EXOSC1: variants seen among roughly 807,000 people sequenced by gnomAD.
The protein encoded by EXOSC1 is exosome complex component CSL4.
In EXOSC1, 27 loss-of-function variants were observed where a neutral mutation model predicts 31.4. That is an observed-to-expected ratio of 0.86 (90% CI 0.63 to 1.18). EXOSC1 has a LOEUF of 1.18. Among genes scored for constraint, EXOSC1 ranks in the 50% most tolerant of loss-of-function variants. The pLI, the probability that EXOSC1 is intolerant of heterozygous loss-of-function variation, is 0.00. For synonymous variants in EXOSC1, 84 were observed against 89.5 expected, an observed-to-expected ratio of 0.94 and a Z score of 0.35; for missense variants, 228 against 250.3, an observed-to-expected ratio of 0.91 and a Z score of 0.60.
At chr10:97,438,552 G>A (rs1845617296) in intron 5 of EXOSC1, 118 bp downstream of exon 5, 3 of 888,182 alleles carry the variant, frequency 3.4e-6, no homozygotes, top group South Asian at 3.1e-5. Context: ...TGATCCTCCC[G>A]CCTCAGCCTC....
intron 7 of EXOSC1, 30 bp downstream of exon 7, chr10:97,437,161 A>T (rs199562977): frequency 1.3e-6 from 2 of 1,590,740 alleles, no homozygotes; most frequent in Non-Finnish European, 1.7e-6. Flanking sequence ...ATCCAGGGAA[A>T]GTAAGGATGT....
chr10:97,441,006 CA>C (rs1447453192), intron 4 of EXOSC1, 164 bp downstream of exon 4: 2 of 549,402 alleles, frequency 3.6e-6, no homozygotes, highest in African/African-American at 3.9e-5. Flanking sequence ...CTAGATCATC[CA>C]TGTATTTTTT....
rs573372112 is a variant in EXOSC1, at chr10:97,442,030, A to G, written c.223-771T>C. Reference sequence around the variant, plus strand: ...CACCTGTACTAAAAATACAAAAATTAGCCAGGCGTGGCAGCACATGCCTAT... The same window carrying G: ...CACCTGTACTAAAAATACAAAAATTGGCCAGGCGTGGCAGCACATGCCTAT... On this transcript the variant is annotated intron_variant, in intron 3 of 7. Transcript: ENST00000370902. Among the ~76,000 whole-genome samples the G allele has an allele frequency of 3.9e-4, 59 of 151,870 alleles. 1 individual carries two copies. The highest frequency in any genetic ancestry group is 1.3e-3 in the Admixed American group (20 of 15,254).
intron 3 of EXOSC1, among the ~76,000 whole-genome samples, chr10:97,442,563 A>T (rs940170157): frequency 6.6e-6 from 1 of 152,172 alleles, no homozygotes; most frequent in Non-Finnish European, 1.5e-5. Flanking sequence ...CTGTTACCCA[A>T]GCTGGAGTGA....
intron 4 of EXOSC1, among the ~76,000 whole-genome samples, chr10:97,439,730 C>A (rs915502820): frequency 6.6e-6 from 1 of 152,190 alleles, no homozygotes; most frequent in African/African-American, 2.4e-5. Flanking sequence ...GAAAAACTGT[C>A]TTCCAAGAAA....
intron 5 of EXOSC1, among the ~76,000 whole-genome samples, chr10:97,437,978 G>A (rs1845597318): frequency 6.6e-6 from 1 of 152,026 alleles, no homozygotes; most frequent in Admixed American, 6.5e-5. Context: ...GGAGTGCAGT[G>A]GTGCGATCTC....
intron 2 of EXOSC1, chr10:97,444,745 G>A (rs1371773220): frequency 1.3e-5 from 2 of 152,188 alleles, no homozygotes; most frequent in Non-Finnish European, 2.9e-5. Context: ...GACAGCTTAA[G>A]TTACTTACTC....
chr10:97,444,743 A>G (rs1845848641), intron 2 of EXOSC1: 2 of 152,242 alleles, frequency 1.3e-5, no homozygotes. Flanking sequence ...CAGACAGCTT[A>G]AGTTACTTAC....
Position 97,441,243 on chromosome 10 carries a change from G to A in EXOSC1, c.239C>T (p.Ser80Leu). 2 of 1,614,046 alleles carry A rather than the reference G, an allele frequency of 1.2e-6. No homozygotes were observed. The highest frequency in any genetic ancestry group is 1.7e-6 in the Non-Finnish European group (2 of 1,179,938). The change falls in exon 4 of 8, where the codon TCA becomes TTA. Residue 80 changes from serine (S) to leucine (L), a missense_variant. By Grantham distance (145) the Ser-to-Leu change is moderately radical (BLOSUM62 -2). Transcript: ENST00000370902. ...CAGGATGTGTACTTTGGCAAAGCGT[G>A]AATTGATGCTAGAGACCTGCGGAAT... ...IVTCKVSSINSRFAKVHILYV... is the reference protein window; with the variant it reads ...IVTCKVSSINLRFAKVHILYV...
intron 4 of EXOSC1, among the ~76,000 whole-genome samples, chr10:97,440,495 C>T (rs1448782351): frequency 8.0e-5 from 12 of 150,866 alleles, no homozygotes; most frequent in Admixed American, 2.6e-4. Context: ...AGTACAGGCA[C>T]GCACCACCAT....
intron 6 of EXOSC1, among the ~76,000 whole-genome samples, chr10:97,437,493 A>C (rs1845577197): frequency 6.6e-6 from 1 of 151,912 alleles, no homozygotes; most frequent in Non-Finnish European, 1.5e-5. Context: ...GATTACAGGC[A>C]TGTGCCACCA....
chr10:97,444,792 T>C (rs41290446), intron 2 of EXOSC1: 1 of 152,368 alleles, frequency 6.6e-6, no homozygotes, highest in Non-Finnish European at 1.5e-5. Flanking sequence ...AGAACGTAAC[T>C]GTTCTAATTC....
rs1191752415 is a variant in EXOSC1 at position 97,436,123 on chromosome 10, G to A, written c.*322C>T. 3.4e-6 allele frequency: 1 copy of A among 291,698 alleles called. No homozygotes were observed. The highest frequency in any genetic ancestry group is 6.5e-6 in the Non-Finnish European group (1 of 154,536). 18.1% of individuals were successfully genotyped at this position (291,698 alleles called of 1,614,324 possible). A position where few individuals can be genotyped will look rare whatever the true frequency, so the allele number is the denominator to read the frequency against. ...CATTTAGATGTCTTTCTCTGCTTAA[G>A]ACAACAGACTCTATAACATCCTTTT... On this transcript the variant is annotated 3_prime_UTR_variant, in exon 8 of 8. Transcript: ENST00000370902.
In EXOSC1 at chr10:97,436,199, G is replaced by C; in HGVS notation, c.*246C>G. 2.5e-6 allele frequency: 1 copy of C among 396,948 alleles called. No homozygotes were observed. The highest frequency in any genetic ancestry group is 4.5e-6 in the Non-Finnish European group (1 of 221,682). 24.6% of individuals were successfully genotyped at this position (396,948 alleles called of 1,614,324 possible). ...AAATATGTATTTATAAGGACTGTCAGGAGGGATAGGCTATTTCCAATATCA... is the reference window on the plus strand; with the variant it reads ...AAATATGTATTTATAAGGACTGTCACGAGGGATAGGCTATTTCCAATATCA... On this transcript the variant is annotated 3_prime_UTR_variant, in exon 8 of 8. Transcript: ENST00000370902.
intron 2 of EXOSC1, 32 bp from the exon 3 acceptor site, chr10:97,443,343 C>G: frequency 1.9e-6 from 3 of 1,593,276 alleles, no homozygotes; most frequent in Non-Finnish European, 2.6e-6. Flanking sequence ...ACTGAAATGT[C>G]CTGACTAACC....
intron 4 of EXOSC1, 48 bp from the exon 5 acceptor site, chr10:97,438,751 T>TA: frequency 1.8e-5 from 1 of 56,572 alleles, no homozygotes; most frequent in East Asian, 6.9e-4. Context: ...TGAGAAAGAA[T>TA]TTTTTTTTTT....
intron 4 of EXOSC1, 58 bp from the exon 5 acceptor site, chr10:97,438,761 T>C: frequency 6.8e-7 from 1 of 1,460,082 alleles, no homozygotes; most frequent in South Asian, 1.2e-5. Flanking sequence ...TTTTTTTTTT[T>C]TTTTTTTTTG....
Position 97,443,298 on chromosome 10 carries a change from G to C in EXOSC1, c.161C>G (p.Ser54Cys). ...SSENGALPVV[S>C]VVRETESQLL... is the part of the protein sequence containing the mutation. Reference sequence around the variant, plus strand: ...CTGGGACTCTGTTTCTCTCACTACAGACACCACTGGAAGCTACAGAGGGAA... The same window carrying C: ...CTGGGACTCTGTTTCTCTCACTACACACACCACTGGAAGCTACAGAGGGAA... The change falls in exon 3 of 8, where the codon TCT becomes TGT. Residue 54 changes from serine to cysteine, a missense_variant. Physicochemically the swap from Ser to Cys is moderately radical, Grantham distance 112. Transcript: ENST00000370902. 1 of 1,614,104 alleles carries C rather than the reference G, an allele frequency of 6.2e-7. No homozygotes were observed. Among genetic ancestry groups the C allele is most frequent in the Non-Finnish European group, 8.5e-7 (1 of 1,179,972 alleles).
intron 3 of EXOSC1, among the ~76,000 whole-genome samples, chr10:97,442,747 G>A (rs1352906889): frequency 3.3e-5 from 5 of 151,962 alleles, no homozygotes; most frequent in Non-Finnish European, 4.4e-5. Context: ...CTGCTGTGAC[G>A]CAGGCTCACT....
Sources: gnomAD v4.1 joint callset for allele counts (sites outside exome capture counted in the v4.1 genomes callset) on GRCh38, gnomAD v4.1.1 for gene constraint, MANE v1.5 for transcripts, NCBI Gene and HGNC (gene_info 2026-07-23, HGNC 2026-07-21) for gene names.